SCLT1: variants seen among roughly 807,000 people sequenced by gnomAD.
SCLT1 encodes the protein sodium channel and clathrin linker 1.
Under a neutral mutation model 112.8 loss-of-function variants are expected in SCLT1, and 78 were observed. The observed-to-expected ratio is 0.69, with a 90% CI of 0.58 to 0.83. The LOEUF (loss-of-function observed/expected upper bound fraction) is 0.83, where lower values mean the gene tolerates loss of function less well. Ranked by LOEUF, SCLT1 falls within the 40% of genes least tolerant of loss-of-function variation. SCLT1 has a pLI of 0.00. For missense variants in SCLT1, 747 were observed against 770.4 expected, an observed-to-expected ratio of 0.97 and a Z score of 0.36; for synonymous variants, 257 against 254.7, an observed-to-expected ratio of 1.01 and a Z score of -0.09.
rs1293420503 is a variant in SCLT1, at chr4:129,066,359, CAA to C, written c.102+15945_102+15946del. 3.3e-5 allele frequency among the ~76,000 whole-genome samples: 5 copies of C among 151,810 alleles called. No homozygotes were observed. In the East Asian group the frequency reaches 9.7e-4, roughly 29 times the overall value. On this transcript the variant is annotated intron_variant, in intron 2 of 20. Coordinates refer to ENST00000281142, the MANE Select transcript of SCLT1 (RefSeq NM_144643.4). ...ATAATTAGAGAAATACAAATAAAAA[CAA>C]AAGTGAGATGTTATTTCACACAAGT... is the stretch of plus-strand genomic sequence containing the variant.
downstream of SCLT1, among the ~76,000 whole-genome samples, chr4:128,879,125 T>TAA (rs537003032): frequency 0.023 from 3,329 of 143,110 alleles, 108 homozygotes; most frequent in African/African-American, 0.076. Context: ...CTTAAAGTAT[T>TAA]AAAAAAAAAA....
intron 12 of SCLT1, among the ~76,000 whole-genome samples, chr4:128,957,665 T>C (rs1225150166): frequency 1.3e-5 from 2 of 152,116 alleles, no homozygotes; most frequent in Non-Finnish European, 2.9e-5. Context: ...TTTCCTTGCT[T>C]CTCTGAGAAG....
At chr4:128,949,776 T>C (rs569070345) in intron 14 of SCLT1, among the ~76,000 whole-genome samples, 2 of 152,192 alleles carry the variant, frequency 1.3e-5, no homozygotes, top group Admixed American at 6.5e-5. Context: ...ATCCAGTCTA[T>C]CATTGTTGGA....
downstream of SCLT1, among the ~76,000 whole-genome samples, chr4:128,879,229 G>A (rs1732589282): frequency 1.3e-5 from 2 of 152,088 alleles, no homozygotes; most frequent in South Asian, 4.1e-4. Flanking sequence ...GTTCAATCAA[G>A]AACGCTGATC....
intron 8 of SCLT1, among the ~76,000 whole-genome samples, chr4:128,995,825 G>T (rs918198091): frequency 7.2e-5 from 11 of 152,082 alleles, no homozygotes; most frequent in African/African-American, 2.7e-4. Flanking sequence ...CCCTAGAGAA[G>T]CTGCAGTGCT....
chr4:128,977,726 T>C (rs1741301645), intron 9 of SCLT1, among the ~76,000 whole-genome samples: 1 of 152,130 alleles, frequency 6.6e-6, no homozygotes, highest in South Asian at 2.1e-4. Flanking sequence ...AGACGGAACG[T>C]ATCACAGAGA....
intron 2 of SCLT1, among the ~76,000 whole-genome samples, chr4:129,072,894 C>T (rs909706784): frequency 3.9e-5 from 6 of 152,030 alleles, no homozygotes; most frequent in African/African-American, 1.4e-4. Context: ...GTCATATTAT[C>T]AGGGTTGGTG....
chr4:129,065,217 T>A (rs1455630548), intron 2 of SCLT1, among the ~76,000 whole-genome samples: 1 of 152,020 alleles, frequency 6.6e-6, no homozygotes, highest in Non-Finnish European at 1.5e-5. Flanking sequence ...ATAGTAATAT[T>A]TCTTAGTTAA....
At chr4:129,066,499 G>A (rs989352352) in intron 2 of SCLT1, among the ~76,000 whole-genome samples, 1 of 151,900 alleles carries the variant, frequency 6.6e-6, no homozygotes, top group African/African-American at 2.4e-5. Flanking sequence ...ACCACCTCCA[G>A]CAATTCTAGT....
At chr4:129,025,244 T>C (rs1745932239) in intron 5 of SCLT1, among the ~76,000 whole-genome samples, 1 of 152,072 alleles carries the variant, frequency 6.6e-6, no homozygotes, top group Admixed American at 6.5e-5. Context: ...AGACACATAA[T>C]TGTCAGATTC....
chr4:129,064,389 T>C (rs1188584975), intron 2 of SCLT1, among the ~76,000 whole-genome samples: 1 of 152,156 alleles, frequency 6.6e-6, no homozygotes, highest in African/African-American at 2.4e-5. Context: ...TATCAAAAAT[T>C]CTTTTTCTAG....
chr4:129,012,155 T>C (rs1285615171), intron 5 of SCLT1, among the ~76,000 whole-genome samples: 1 of 152,178 alleles, frequency 6.6e-6, no homozygotes, highest in Non-Finnish European at 1.5e-5. Flanking sequence ...TCTAACTTTT[T>C]GATGTGAGCA....
At chr4:128,936,132 T>G (rs1008855573) in intron 18 of SCLT1, among the ~76,000 whole-genome samples, 1 of 151,818 alleles carries the variant, frequency 6.6e-6, no homozygotes, top group South Asian at 2.1e-4. Context: ...TTTTAATAGA[T>G]TTTATTTTTT....
At chr4:129,044,091 A>G (rs767050889) in intron 2 of SCLT1, 40 bp from the exon 3 acceptor site, 1 of 1,059,652 alleles carries the variant, frequency 9.4e-7, no homozygotes, top group South Asian at 1.4e-5. Flanking sequence ...TTCTCACATC[A>G]TTCTAGCCAA....
At chr4:128,927,894 G>A (rs1387006694) in intron 18 of SCLT1, among the ~76,000 whole-genome samples, 1 of 151,708 alleles carries the variant, frequency 6.6e-6, no homozygotes, top group African/African-American at 2.4e-5. Flanking sequence ...AAAGAGACAA[G>A]GTACAATAAT....
intron 18 of SCLT1, among the ~76,000 whole-genome samples, chr4:128,901,666 T>C (rs1734312166): frequency 6.6e-6 from 1 of 151,278 alleles, no homozygotes; most frequent in South Asian, 2.1e-4. Context: ...AAACTTAAAG[T>C]ATAATAAAAA....
At chr4:129,049,126 C>G (rs1748494335) in intron 2 of SCLT1, among the ~76,000 whole-genome samples, 1 of 151,968 alleles carries the variant, frequency 6.6e-6, no homozygotes, top group Non-Finnish European at 1.5e-5. Flanking sequence ...CATCGCATTA[C>G]TGGGTATATA....
intron 5 of SCLT1, among the ~76,000 whole-genome samples, chr4:129,019,560 T>C (rs1579721283): frequency 6.6e-6 from 1 of 152,160 alleles, no homozygotes; most frequent in South Asian, 2.1e-4. Context: ...ACTATATGCA[T>C]ATATAACCAC....
intron 18 of SCLT1, among the ~76,000 whole-genome samples, chr4:128,914,985 G>C (rs767372223): frequency 5.3e-5 from 8 of 151,764 alleles, no homozygotes; most frequent in Non-Finnish European, 1.0e-4. Flanking sequence ...TCATAAAGGG[G>C]CACGGCATAC....
Sources: allele counts gnomAD v4.1 joint callset (sites outside exome capture counted in the v4.1 genomes callset), GRCh38; gene constraint gnomAD v4.1.1; transcripts MANE v1.5; gene names NCBI Gene and HGNC (gene_info 2026-07-23, HGNC 2026-07-21).